The following MTUS2 variants were observed in gnomAD, a reference collection of about 807,000 sequenced individuals.
MTUS2 encodes microtubule associated scaffold protein 2, also known as microtubule-associated tumor suppressor candidate 2.
In MTUS2, 40 loss-of-function variants were observed where a neutral mutation model predicts 114.1. The ratio of observed to expected loss-of-function variants is 0.35; its 90% CI spans 0.27 to 0.46. MTUS2 has a LOEUF of 0.46. MTUS2 is among the 20% of genes least tolerant of loss of function. The pLI is 1.00. For missense variants in MTUS2, 1,679 were observed against 1,705.4 expected (o/e 0.98, Z 0.27); for synonymous variants, 688 against 672.0 (o/e 1.02, Z -0.37).
At chr13:29,296,481 TAGCCACAACCCCC>T (rs1898950727) in intron 6 of MTUS2, among the ~76,000 whole-genome samples, 1 of 152,154 alleles carries the variant, frequency 6.6e-6, no homozygotes, top group Admixed American at 6.5e-5. Context: ...AAAGTGGCAT[TAGCCACAACCCCC>T]AGCCTATTTT....
chr13:28,991,338 C>T lies in MTUS2; in HGVS notation c.-242-33119C>T, dbSNP rs564133739. Among the ~76,000 whole-genome samples the T allele has an allele frequency of 2.0e-3, 306 of 151,674 alleles. 4 individuals are homozygous for T. The highest frequency in any genetic ancestry group is 7.2e-3 in the African/African-American group (298 of 41,370). ...TTTTCTTTCCATTGAGGTAGTGTAC[C>T]AGTTATGAAACTCAGGTTTGTCTCT... On this transcript the variant is annotated intron_variant, in intron 2 of 15. Coordinates refer to ENST00000612955, the MANE Select transcript of MTUS2 (RefSeq NM_001033602.4).
At position 29,428,925 on chromosome 13, in the gene MTUS2, C is replaced by G. The variant is rs759526720; in HGVS notation, c.3118-11058C>G. On this transcript the variant is annotated intron_variant, in intron 8 of 15. Coordinates refer to ENST00000612955, the MANE Select transcript of MTUS2 (RefSeq NM_001033602.4). ...CTTTGCCTTCCCTCTCTCTTCTTCC[C>G]CCTCCTCCTTTGCAAGGGCAGAGAG... 3.7e-6 allele frequency: 6 copies of G among 1,608,528 alleles called. No individual in the cohort carries two copies. The African/African-American group carries it at 5.3e-5, about 14-fold the overall frequency.
intron 4 of MTUS2, among the ~76,000 whole-genome samples, chr13:29,043,622 G>A (rs1887473813): frequency 2.6e-5 from 4 of 151,662 alleles, no homozygotes; most frequent in Middle Eastern, 3.4e-3. Context: ...GGGAGCTCCA[G>A]TGTTAGAGAT....
chr13:29,094,047 A>G (rs1246956781), intron 4 of MTUS2, among the ~76,000 whole-genome samples: 1 of 152,158 alleles, frequency 6.6e-6, no homozygotes, highest in East Asian at 1.9e-4. Context: ...TTGCATTCCT[A>G]GCATAAATAT....
At chr13:29,299,657 G>C (rs1008453991) in intron 6 of MTUS2, among the ~76,000 whole-genome samples, 4 of 152,212 alleles carry the variant, frequency 2.6e-5, no homozygotes, top group Non-Finnish European at 4.4e-5. Context: ...GGCCGGTGAT[G>C]ATGGGGAACT....
chr13:28,968,271 C>T (rs1883691692), intron 2 of MTUS2, among the ~76,000 whole-genome samples: 1 of 151,976 alleles, frequency 6.6e-6, no homozygotes, highest in Non-Finnish European at 1.5e-5. Flanking sequence ...GGCCAAAGTA[C>T]AAAATAAAGG....
At chr13:28,939,180 G>A (rs1248024312) in intron 2 of MTUS2, among the ~76,000 whole-genome samples, 3 of 151,996 alleles carry the variant, frequency 2.0e-5, no homozygotes, top group Non-Finnish European at 2.9e-5. Flanking sequence ...TCTCTTTTGG[G>A]CCGGAAATTT....
At chr13:29,050,880 G>A (rs761988054) in intron 4 of MTUS2, among the ~76,000 whole-genome samples, 2 of 152,222 alleles carry the variant, frequency 1.3e-5, no homozygotes, top group Non-Finnish European at 2.9e-5. Flanking sequence ...TGAGCCTGGT[G>A]TGGTCAGAGA....
intron 3 of MTUS2, among the ~76,000 whole-genome samples, chr13:29,030,521 C>G (rs946707309): frequency 5.9e-5 from 9 of 152,160 alleles, no homozygotes; most frequent in Non-Finnish European, 5.9e-5. Flanking sequence ...CAGGCTGGTC[C>G]TTGGCCACCT....
intron 4 of MTUS2, among the ~76,000 whole-genome samples, chr13:29,067,114 A>T (rs1209161901): frequency 1.3e-5 from 2 of 152,148 alleles, no homozygotes; most frequent in African/African-American, 4.8e-5. Flanking sequence ...TTCCTAAGGG[A>T]CATTTAGGTA....
chr13:29,383,814 T>A (rs1872434978), intron 8 of MTUS2, among the ~76,000 whole-genome samples: 1 of 152,232 alleles, frequency 6.6e-6, no homozygotes, highest in Admixed American at 6.5e-5. Flanking sequence ...ATGCAGCATC[T>A]TCCAGTTCCA....
intron 2 of MTUS2, among the ~76,000 whole-genome samples, chr13:28,960,050 C>T (rs1256817022): frequency 2.6e-5 from 4 of 152,118 alleles, no homozygotes; most frequent in African/African-American, 9.7e-5. Flanking sequence ...TCAATAGATA[C>T]CGATATTGAG....
rs114992661 is a variant in MTUS2 at position 28,877,360 on chromosome 13, G to A, written c.-243+37510G>A. ...AAAACAGAACTTATTTAAGTAGCCC[G>A]TTGTTATTTCGCTATTAATGGAATT... On this transcript the variant is annotated intron_variant, in intron 2 of 15. Coordinates refer to ENST00000612955, the MANE Select transcript of MTUS2 (RefSeq NM_001033602.4). Among the ~76,000 whole-genome samples, 408 of 150,806 alleles carry A rather than the reference G, an allele frequency of 2.7e-3. 2 individuals are homozygous for A. Among genetic ancestry groups the A allele is most frequent in the African/African-American group, 9.4e-3 (387 of 41,146 alleles).
chr13:29,472,521 G>A (rs1446229432), intron 9 of MTUS2, among the ~76,000 whole-genome samples: 1 of 152,188 alleles, frequency 6.6e-6, no homozygotes. Flanking sequence ...AAAGACATTT[G>A]CCACCAGGGG....
chr13:29,255,363 G>A (rs1001837471), intron 5 of MTUS2, among the ~76,000 whole-genome samples: 6 of 151,986 alleles, frequency 3.9e-5, no homozygotes, highest in African/African-American at 7.3e-5. Context: ...AGCCCCCTCC[G>A]GTCCATCTGT....
chr13:29,119,951 C>G (rs1891238320), intron 5 of MTUS2, among the ~76,000 whole-genome samples: 1 of 152,030 alleles, frequency 6.6e-6, no homozygotes, highest in Non-Finnish European at 1.5e-5. Context: ...AAAAAGAATA[C>G]ATAAAAATAG....
At chr13:28,857,570 T>G (rs2138053890) in intron 2 of MTUS2, among the ~76,000 whole-genome samples, 1 of 152,268 alleles carries the variant, frequency 6.6e-6, no homozygotes, top group Middle Eastern at 3.4e-3. Context: ...TAATTAATGG[T>G]TTTGAAAGTC....
At chr13:29,110,182 A>G (rs1248721686) in intron 5 of MTUS2, among the ~76,000 whole-genome samples, 2 of 152,246 alleles carry the variant, frequency 1.3e-5, no homozygotes, top group Non-Finnish European at 2.9e-5. Context: ...GGTGACTAAT[A>G]CATTAATCTA....
At chr13:29,390,239 C>G (rs1350311767) in intron 8 of MTUS2, among the ~76,000 whole-genome samples, 6 of 151,474 alleles carry the variant, frequency 4.0e-5, no homozygotes, top group Non-Finnish European at 8.8e-5. Context: ...AGTAAAGATT[C>G]ACAAGGCCCA....
Sources: allele counts gnomAD v4.1 joint callset (sites outside exome capture counted in the v4.1 genomes callset), GRCh38; gene constraint gnomAD v4.1.1; transcripts MANE v1.5; gene names NCBI Gene and HGNC (gene_info 2026-07-23, HGNC 2026-07-21).